The following PPP1R12B variants were observed in gnomAD, a reference collection of about 807,000 sequenced individuals.
PPP1R12B encodes the protein myosin phosphatase target subunit 2.
PPP1R12B carries 76 observed loss-of-function variants against 126.1 expected under a neutral mutation model. That is an observed-to-expected ratio of 0.60 (90% CI 0.50 to 0.73). The LOEUF is 0.73. PPP1R12B is among the 30% of genes least tolerant of loss of function. The pLI, the probability that PPP1R12B is intolerant of heterozygous loss-of-function variation, is 0.00. For missense variants in PPP1R12B, 1,052 were observed against 1,205.1 expected (o/e 0.87, Z 1.88); for synonymous variants, 356 against 434.7 (o/e 0.82, Z 2.25).
chr1:202,413,472 C>T (rs1667661231), intron 1 of PPP1R12B, among the ~76,000 whole-genome samples: 2 of 152,114 alleles, frequency 1.3e-5, no homozygotes, highest in Non-Finnish European at 2.9e-5. Flanking sequence ...AATAGTTGTT[C>T]ATTATAACCA....
At chr1:202,371,731 G>A (rs1021863117) in intron 1 of PPP1R12B, among the ~76,000 whole-genome samples, 1 of 151,884 alleles carries the variant, frequency 6.6e-6, no homozygotes, top group African/African-American at 2.4e-5. Flanking sequence ...TAGAGAGAGA[G>A]TATTTGTATA....
chr1:202,377,025 G>A (rs916348353), intron 1 of PPP1R12B, among the ~76,000 whole-genome samples: 1 of 152,148 alleles, frequency 6.6e-6, no homozygotes, highest in African/African-American at 2.4e-5. Flanking sequence ...TGTGTTTTAT[G>A]TGTAGCCCAG....
At chr1:202,446,256 A>ATATATATTTT (rs376183502) in intron 12 of PPP1R12B, among the ~76,000 whole-genome samples, 676 of 54,198 alleles carry the variant, frequency 0.012, 12 homozygotes, top group Admixed American at 0.022. Flanking sequence ...ATATATATAT[A>ATATATATTTT]TTTTTTTTTT....
At chr1:202,376,687 C>G (rs1661227553) in intron 1 of PPP1R12B, among the ~76,000 whole-genome samples, 2 of 151,448 alleles carry the variant, frequency 1.3e-5, no homozygotes, top group South Asian at 4.2e-4. Flanking sequence ...TAAAAATTAC[C>G]CTGGAAGTTG....
intron 14 of PPP1R12B, among the ~76,000 whole-genome samples, chr1:202,491,495 AG>A (rs1678883665): frequency 6.6e-6 from 1 of 152,218 alleles, no homozygotes; most frequent in Non-Finnish European, 1.5e-5. Context: ...AAAAGAAGAC[AG>A]GCTATACTTT....
At chr1:202,449,286 T>G in intron 13 of PPP1R12B, 115 bp downstream of exon 13, 1 of 1,438,006 alleles carries the variant, frequency 7.0e-7, no homozygotes, top group Non-Finnish European at 9.2e-7. Flanking sequence ...ATGTCTTTTT[T>G]TTTTTTTGAG....
chr1:202,562,716 T>G, intron 19 of PPP1R12B, 62 bp from the exon 20 acceptor site: 1 of 1,534,418 alleles, frequency 6.5e-7, no homozygotes. Context: ...CCCTGAGCAT[T>G]ACCTTCTCCC....
rs1430119914 is a variant in PPP1R12B at position 202,467,348 on chromosome 1, A to G, written c.1850+18177A>G. 6.6e-5 allele frequency among the ~76,000 whole-genome samples: 10 copies of G among 151,556 alleles called. No individual in the cohort carries two copies. The South Asian group carries it at 1.5e-3, about 22-fold the overall frequency. On this transcript the variant is annotated intron_variant, in intron 13 of 23. Transcript: ENST00000608999. ...ATTAATTCGTCATTTAGCATTAGGT[A>G]TATCTCCTAATGCTATCCCTCCCCG... is the stretch of plus-strand genomic sequence containing the variant.
intron 18 of PPP1R12B, among the ~76,000 whole-genome samples, chr1:202,548,739 A>C (rs1427730051): frequency 6.2e-4 from 92 of 149,120 alleles, no homozygotes; most frequent in Non-Finnish European, 1.2e-3. Context: ...TAGAGGTTGC[A>C]GTGAGCCATG....
At chr1:202,493,545 C>G (rs552372077) in intron 15 of PPP1R12B, among the ~76,000 whole-genome samples, 1 of 152,154 alleles carries the variant, frequency 6.6e-6, no homozygotes, top group Admixed American at 6.5e-5. Context: ...GAATAAATGT[C>G]CTTCTAGTCT....
intron 7 of PPP1R12B, among the ~76,000 whole-genome samples, chr1:202,431,133 A>G (rs895344215): frequency 1.3e-5 from 2 of 152,190 alleles, no homozygotes; most frequent in African/African-American, 4.8e-5. Context: ...GACAATGTCT[A>G]TTTTGTTTAT....
rs1689636139 is a variant in PPP1R12B, at chr1:202,583,009, A to G, written c.*2449A>G. ...GTCTTTCATTTCCAACCATTTTTCA[A>G]GAGAAGCTGCTACTATCTTGAGACT... On this transcript the variant is annotated 3_prime_UTR_variant, in exon 24 of 24. Coordinates refer to ENST00000608999, the MANE Select transcript of PPP1R12B (RefSeq NM_002481.4). 6.6e-6 allele frequency: 1 copy of G among 152,210 alleles called. No homozygotes were observed. Among genetic ancestry groups the G allele is most frequent in the Non-Finnish European group, 1.5e-5 (1 of 68,034 alleles). The allele number at this position is 152,210 out of a possible 1,614,324, so 9.4% of individuals were successfully genotyped here.
At chr1:202,378,137 CAA>C (rs1380563585) in intron 1 of PPP1R12B, among the ~76,000 whole-genome samples, 1 of 151,750 alleles carries the variant, frequency 6.6e-6, no homozygotes, top group Non-Finnish European at 1.5e-5. Flanking sequence ...CGCGCCCAGC[CAA>C]AGACAGTTTT....
chr1:202,488,745 T>G (rs3767415), intron 14 of PPP1R12B, 122 bp downstream of exon 14: 4 of 884,520 alleles, frequency 4.5e-6, no homozygotes, highest in African/African-American at 1.7e-5. Context: ...ACACACACGC[T>G]CACGGCTTGG....
At chr1:202,502,289 G>A in intron 18 of PPP1R12B, 1 of 984,872 alleles carries the variant, frequency 1.0e-6, no homozygotes, top group South Asian at 4.7e-5. Flanking sequence ...TGCTCGTGGA[G>A]AGATCTGTTG....
At chr1:202,395,146 A>T (rs867488352) in intron 1 of PPP1R12B, among the ~76,000 whole-genome samples, 1 of 151,398 alleles carries the variant, frequency 6.6e-6, no homozygotes, top group Middle Eastern at 3.4e-3. Context: ...AAAGAAAATC[A>T]ATTTGAAGAA....
At chr1:202,454,407 T>C (rs1434434154) in intron 13 of PPP1R12B, among the ~76,000 whole-genome samples, 2 of 152,236 alleles carry the variant, frequency 1.3e-5, no homozygotes, top group African/African-American at 4.8e-5. Flanking sequence ...TCACTGGATA[T>C]GTTCTAGCAT....
At chr1:202,547,203 T>C (rs950222656) in intron 18 of PPP1R12B, among the ~76,000 whole-genome samples, 1 of 152,226 alleles carries the variant, frequency 6.6e-6, no homozygotes, top group Non-Finnish European at 1.5e-5. Flanking sequence ...TCAGCATTGG[T>C]TTTTAATTTC....
At chr1:202,463,661 CA>C (rs1419732307) in intron 13 of PPP1R12B, among the ~76,000 whole-genome samples, 2 of 152,158 alleles carry the variant, frequency 1.3e-5, no homozygotes, top group Non-Finnish European at 2.9e-5. Context: ...ACTCTACAAT[CA>C]GATTGAATAT....
Sources: gnomAD v4.1 joint callset for allele counts (sites outside exome capture counted in the v4.1 genomes callset) on GRCh38, gnomAD v4.1.1 for gene constraint, MANE v1.5 for transcripts, NCBI Gene and HGNC (gene_info 2026-07-23, HGNC 2026-07-21) for gene names.